Variants in GRM8 observed in about 807,000 individuals in gnomAD.
GRM8 encodes the protein metabotropic glutamate receptor 8.
GRM8 carries 47 observed loss-of-function variants against 87.2 expected under a neutral mutation model. That is an observed-to-expected ratio of 0.54 (90% CI 0.43 to 0.69). The LOEUF (loss-of-function observed/expected upper bound fraction) is 0.69, where lower values mean the gene tolerates loss of function less well. Among genes scored for constraint, GRM8 ranks in the 30% least tolerant of loss-of-function variants. The pLI is 0.00. For missense variants in GRM8, 1,019 were observed against 1,139.2 expected (o/e 0.89, Z 1.52); for synonymous variants, 396 against 404.5 (o/e 0.98, Z 0.25).
intron 8 of GRM8, among the ~76,000 whole-genome samples, chr7:126,604,879 C>A (rs371535237): frequency 1.5e-4 from 23 of 152,304 alleles, no homozygotes; most frequent in African/African-American, 5.1e-4. Flanking sequence ...TCCTTCAAAT[C>A]ACCCTTCCAA....
chr7:126,488,968 C>T (rs974262641), intron 9 of GRM8, among the ~76,000 whole-genome samples: 2 of 151,346 alleles, frequency 1.3e-5, no homozygotes, highest in African/African-American at 4.8e-5. Flanking sequence ...TAATATATAT[C>T]AAATATATAC....
chr7:126,766,427 T>C (rs1585846706), intron 7 of GRM8, among the ~76,000 whole-genome samples: 1 of 152,150 alleles, frequency 6.6e-6, no homozygotes, highest in Admixed American at 6.6e-5. Context: ...AACAATTTTA[T>C]CTATACAAAA....
intron 7 of GRM8, among the ~76,000 whole-genome samples, chr7:126,668,324 AT>A (rs1021314417): frequency 6.6e-6 from 1 of 152,224 alleles, no homozygotes; most frequent in African/African-American, 2.4e-5. Context: ...GTCCTGAAAC[AT>A]TTTTGGCCTG....
intron 7 of GRM8, among the ~76,000 whole-genome samples, chr7:126,609,729 A>G (rs1419476): frequency 0.31 from 46,849 of 152,182 alleles, 8,086 homozygotes; most frequent in East Asian, 0.43. Context: ...TAGAAAGTAA[A>G]TGATGAGTAT....
intron 9 of GRM8, among the ~76,000 whole-genome samples, chr7:126,495,322 T>C (rs1285144073): frequency 6.6e-6 from 1 of 151,832 alleles, no homozygotes; most frequent in Admixed American, 6.6e-5. Flanking sequence ...AGACCAGAAA[T>C]ACAAGCAAGA....
rs150352745 is a variant in GRM8, at chr7:126,881,164, G to C, written c.1156+21378C>G. Among the ~76,000 whole-genome samples the C allele has an allele frequency of 8.2e-3, 1,251 of 152,224 alleles. 17 individuals are homozygous for C. Among genetic ancestry groups the C allele is most frequent in the African/African-American group, 0.028 (1,167 of 41,538 alleles). ...ATTCATCCCAGAGTGTTCAAATAAA[G>C]AGATTTTAATAAAGGAGTTATTTGC... On this transcript the variant is annotated intron_variant, in intron 6 of 10. Coordinates refer to ENST00000339582, the MANE Select transcript of GRM8 (RefSeq NM_000845.3).
intron 2 of GRM8, among the ~76,000 whole-genome samples, chr7:127,220,422 C>G (rs1397225425): frequency 6.6e-6 from 1 of 152,064 alleles, no homozygotes. Context: ...GAATGAAAAT[C>G]AAGAAAAAAT....
rs1289473959 is a variant in GRM8, at chr7:126,912,283, C to A, written c.728-7600G>T. On this transcript the variant is annotated intron_variant, in intron 3 of 10. Coordinates refer to ENST00000339582, the MANE Select transcript of GRM8 (RefSeq NM_000845.3). The stretch of plus-strand genomic sequence containing the variant: ...TAGTGGACTGAATAAAGCAGATTAC[C>A]TTCTCCAATGCAGGCTGGGATCATT... Among the ~76,000 whole-genome samples the A allele has an allele frequency of 2.6e-5, 4 of 152,082 alleles. No homozygotes were observed. The East Asian group carries it at 7.7e-4, about 29-fold the overall frequency.
intron 2 of GRM8, among the ~76,000 whole-genome samples, chr7:127,232,862 CAG>C (rs1367133874): frequency 2.0e-5 from 3 of 152,014 alleles, no homozygotes; most frequent in East Asian, 1.9e-4. Context: ...GTTTTTGAGA[CAG>C]AGTCTTGCTG....
intron 6 of GRM8, among the ~76,000 whole-genome samples, chr7:126,810,712 A>G (rs1030227108): frequency 1.1e-4 from 16 of 152,110 alleles, no homozygotes; most frequent in African/African-American, 3.9e-4. Context: ...AAGAAGGGAA[A>G]CTTTACAATT....
intron 3 of GRM8, among the ~76,000 whole-genome samples, chr7:127,031,899 A>C (rs993036267): frequency 1.3e-5 from 2 of 152,066 alleles, no homozygotes; most frequent in Admixed American, 6.6e-5. Flanking sequence ...GAAGTTCTAC[A>C]TCTGTGTCTG....
At chr7:126,445,272 C>T (rs1054619995) in intron 10 of GRM8, 3 of 152,014 alleles carry the variant, frequency 2.0e-5, no homozygotes, top group African/African-American at 4.8e-5. Flanking sequence ...ATCTGTAGAA[C>T]CTAGTAAGGT....
chr7:126,449,068 C>G (rs1802328372), intron 9 of GRM8, among the ~76,000 whole-genome samples: 1 of 151,694 alleles, frequency 6.6e-6, no homozygotes, highest in African/African-American at 2.4e-5. Context: ...AAAATCATAC[C>G]CTAAGTCCAC....
At chr7:126,668,551 G>A (rs1415617711) in intron 7 of GRM8, among the ~76,000 whole-genome samples, 2 of 151,932 alleles carry the variant, frequency 1.3e-5, no homozygotes, top group Admixed American at 6.6e-5. Context: ...GCACTGGGAC[G>A]CATGGCCCAA....
At chr7:127,154,578 T>G (rs1042101223) in intron 2 of GRM8, among the ~76,000 whole-genome samples, 1 of 152,108 alleles carries the variant, frequency 6.6e-6, no homozygotes, top group Non-Finnish European at 1.5e-5. Flanking sequence ...ACATTTAACC[T>G]TTGTTCCCCA....
intron 3 of GRM8, among the ~76,000 whole-genome samples, chr7:127,015,066 A>AGAGGAG (rs1554568503): frequency 9.6e-6 from 1 of 104,428 alleles, no homozygotes; most frequent in African/African-American, 3.1e-5. Flanking sequence ...AAGAAGAAGA[A>AGAGGAG]GAAAGAAAGA....
rs766161963 is a variant in GRM8 at position 126,533,036 on chromosome 7, A to C, written c.2346T>G (p.Pro782=). ...AGGTGGTATACATGGTAAATCCAATAGGTTTGGCTTCATTGAAAGTCTCTG... is the reference window on the plus strand; with the variant it reads ...AGGTGGTATACATGGTAAATCCAATCGGTTTGGCTTCATTGAAAGTCTCTG... ...GVPETFNEAK[P]IGFTMYTTCI... is the part of the protein sequence containing the mutation. Residue 782 remains proline (P), a synonymous_variant, in exon 9 of 11, where the codon CCT becomes CCG. Transcript: ENST00000339582. 1.2e-6 allele frequency: 2 copies of C among 1,613,632 alleles called. No homozygotes were observed. The highest frequency in any genetic ancestry group is 1.7e-6 in the Non-Finnish European group (2 of 1,179,806).
chr7:126,442,061 A>G (rs972175301), intron 10 of GRM8, among the ~76,000 whole-genome samples: 1 of 152,018 alleles, frequency 6.6e-6, no homozygotes, highest in East Asian at 1.9e-4. Flanking sequence ...ACTGGTTCAA[A>G]ACCTACAATA....
At position 126,493,673 on chromosome 7, in the gene GRM8, C is replaced by T. The variant is rs756647503; in HGVS notation, c.2430+39279G>A. Among the ~76,000 whole-genome samples, 63 of 152,012 alleles carry T rather than the reference C, an allele frequency of 4.1e-4. 1 individual carries two copies. The highest frequency in any genetic ancestry group is 8.5e-4 in the Non-Finnish European group (58 of 67,968). ...GAAGCTTTGCTCCATCAGTGACTAGCTCTGTGACCTTGACAGAGTCCCTGA... is the reference window on the plus strand; with the variant it reads ...GAAGCTTTGCTCCATCAGTGACTAGTTCTGTGACCTTGACAGAGTCCCTGA... On this transcript the variant is annotated intron_variant, in intron 9 of 10. Coordinates refer to ENST00000339582, the MANE Select transcript of GRM8 (RefSeq NM_000845.3).
Sources: gnomAD v4.1 joint callset for allele counts (sites outside exome capture counted in the v4.1 genomes callset) on GRCh38, gnomAD v4.1.1 for gene constraint, MANE v1.5 for transcripts, NCBI Gene and HGNC (gene_info 2026-07-23, HGNC 2026-07-21) for gene names.